INTS7: variants seen among roughly 807,000 people sequenced by gnomAD.
INTS7 encodes integrator complex subunit 7, also known as chromosome 1 open reading frame 73.
In INTS7, 46 loss-of-function variants were observed where a neutral mutation model predicts 109.2. The ratio of observed to expected loss-of-function variants is 0.42; its 90% CI spans 0.33 to 0.54. INTS7 has a LOEUF of 0.54. Ranked by LOEUF, INTS7 falls within the 20% of genes least tolerant of loss-of-function variation. The pLI, the probability that INTS7 is intolerant of heterozygous loss-of-function variation, is 0.07. For missense variants in INTS7, 929 were observed against 1,132.4 expected (o/e 0.82, Z 2.58); for synonymous variants, 412 against 402.9 (o/e 1.02, Z -0.27).
intron 3 of INTS7, among the ~76,000 whole-genome samples, chr1:212,019,065 C>T (rs1352425399): frequency 1.3e-5 from 2 of 152,110 alleles, no homozygotes; most frequent in Non-Finnish European, 2.9e-5. Flanking sequence ...GCCTGGCCAA[C>T]ATGGTGAAAT....
intron 1 of INTS7, among the ~76,000 whole-genome samples, chr1:212,033,111 C>T (rs189024428): frequency 1.3e-3 from 199 of 152,192 alleles, no homozygotes; most frequent in African/African-American, 4.6e-3. Flanking sequence ...GTACAAAGCC[C>T]GATCAAATAA....
At chr1:211,991,425 A>C (rs1461813655) in intron 7 of INTS7, among the ~76,000 whole-genome samples, 3 of 152,238 alleles carry the variant, frequency 2.0e-5, no homozygotes, top group African/African-American at 4.8e-5. Context: ...CATAAAAAAC[A>C]CCTCTAGAAA....
chr1:212,035,358 A>G lies in INTS7; in HGVS notation c.80T>C (p.Met27Thr), dbSNP rs1450890742. ...EQELDANSALMELDKGLRSGK... is the reference protein window; with the variant it reads ...EQELDANSALTELDKGLRSGK... Reference sequence around the variant, plus strand: ...CTTTCGAATACCTTTGTCCAATTCCATAAGGGCAGAGTTGGCATCCAGTTC... The same window carrying G: ...CTTTCGAATACCTTTGTCCAATTCCGTAAGGGCAGAGTTGGCATCCAGTTC... Residue 27 changes from methionine to threonine, a missense_variant, in exon 1 of 20, where the codon ATG becomes ACG. By Grantham distance (81) the Met-to-Thr change is moderately conservative. This residue lies in a region of INTS7 where 142 missense variants were observed against 231.4 expected (regional missense o/e 0.61). Coordinates refer to ENST00000366994, the MANE Select transcript of INTS7 (RefSeq NM_015434.4). 4 of 1,611,958 alleles carry G rather than the reference A, an allele frequency of 2.5e-6. No homozygotes were observed. Among genetic ancestry groups the G allele is most frequent in the Non-Finnish European group, 2.5e-6 (3 of 1,177,946 alleles).
At position 211,975,254 on chromosome 1, in the gene INTS7, G is replaced by C; in HGVS notation, c.1727C>G (p.Thr576Ser). Residue 576 changes from threonine to serine, a missense_variant, in exon 13 of 20, where the codon ACT becomes AGT. By Grantham distance (58) the Thr-to-Ser change is moderately conservative. Transcript: ENST00000366994. ...ACTATAATTTTCCTCTTGCAACCCAGTGAGACACTGTTCTGCATGTGAAAA... is the reference window on the plus strand; with the variant it reads ...ACTATAATTTTCCTCTTGCAACCCACTGAGACACTGTTCTGCATGTGAAAA... ...KEFSHAEQCLTGLQEENYSSA... is the reference protein window; with the variant it reads ...KEFSHAEQCLSGLQEENYSSA... The C allele has an allele frequency of 6.2e-7, 1 of 1,613,748 alleles. No homozygotes were observed. Among genetic ancestry groups the C allele is most frequent in the South Asian group, 1.1e-5 (1 of 91,072 alleles).
At position 211,968,410 on chromosome 1, in the gene INTS7, T is replaced by C. The variant is rs984584973; in HGVS notation, c.2010+103A>G. The C allele has an allele frequency of 1.9e-4, 172 of 929,184 alleles. 1 individual carries two copies. Among genetic ancestry groups the C allele is most frequent in the African/African-American group, 5.0e-5 (3 of 60,444 alleles). 57.6% of individuals were successfully genotyped at this position (929,184 alleles called of 1,614,324 possible). A position where few individuals can be genotyped will look rare whatever the true frequency, so the allele number is the denominator to read the frequency against. On this transcript the variant is annotated intron_variant, in intron 14 of 19. Transcript: ENST00000366994. The stretch of plus-strand genomic sequence containing the variant: ...TTGAGTGAATAAACATTTATGATAA[T>C]GTCTGAGTCAAACCACTGATTTTAT...
chr1:211,988,685 C>G (rs1179000556), intron 7 of INTS7, among the ~76,000 whole-genome samples: 1 of 152,058 alleles, frequency 6.6e-6, no homozygotes, highest in South Asian at 2.1e-4. Context: ...TGTGTACTAT[C>G]GTCTCGATTT....
chr1:211,993,679 C>CAAAAAAAA (rs1333287349), intron 7 of INTS7, among the ~76,000 whole-genome samples: 15 of 54,742 alleles, frequency 2.7e-4, no homozygotes, highest in Non-Finnish European at 3.2e-4. Context: ...GACTAAAACT[C>CAAAAAAAA]AAAAAAAAAA....
intron 1 of INTS7, among the ~76,000 whole-genome samples, chr1:212,033,895 C>T (rs1282812562): frequency 2.0e-5 from 3 of 152,036 alleles, no homozygotes; most frequent in African/African-American, 7.3e-5. Flanking sequence ...CCAGCCTGGC[C>T]AACATGGTGA....
intron 19 of INTS7, 98 bp downstream of exon 19, chr1:211,944,686 A>G: frequency 4.1e-6 from 4 of 971,288 alleles, no homozygotes; most frequent in Middle Eastern, 2.2e-4. Flanking sequence ...CTTTGGAGGT[A>G]TAACTGCAAT....
chr1:211,980,748 C>T (rs1664626498), intron 10 of INTS7, among the ~76,000 whole-genome samples: 1 of 152,122 alleles, frequency 6.6e-6, no homozygotes, highest in South Asian at 2.1e-4. Context: ...CCTCATTTCA[C>T]ATTTTAAAAA....
chr1:212,003,967 C>T (rs1292260787), intron 7 of INTS7, among the ~76,000 whole-genome samples: 1 of 152,142 alleles, frequency 6.6e-6, no homozygotes. Context: ...TAGATTTAAA[C>T]TCAAATGTGT....
intron 7 of INTS7, among the ~76,000 whole-genome samples, chr1:212,002,786 C>T (rs3009993): frequency 0.029 from 4,463 of 152,304 alleles, 76 homozygotes; most frequent in South Asian, 0.046. Flanking sequence ...TCTGACGTCT[C>T]TGCCTAGCGG....
rs139516601 is a variant in INTS7, at chr1:212,014,020, A to G, written c.510-2599T>C. 8.0e-4 allele frequency among the ~76,000 whole-genome samples: 122 copies of G among 152,366 alleles called. No homozygotes were observed. The South Asian group carries it at 0.011, about 14-fold the overall frequency. ...TGAGGGAAAAAAATGCTTATTTTCA[A>G]AGGCACAAATAGGAACTGTACTTAT... On this transcript the variant is annotated intron_variant, in intron 4 of 19. Coordinates refer to ENST00000366994, the MANE Select transcript of INTS7 (RefSeq NM_015434.4).
At chr1:212,029,824 A>G (rs1214684381) in intron 1 of INTS7, among the ~76,000 whole-genome samples, 1 of 152,240 alleles carries the variant, frequency 6.6e-6, no homozygotes, top group African/African-American at 2.4e-5. Flanking sequence ...GTGGGGGGAC[A>G]TGGGTAGAAA....
intron 3 of INTS7, among the ~76,000 whole-genome samples, chr1:212,018,647 G>T (rs912026634): frequency 4.6e-5 from 7 of 151,726 alleles, no homozygotes; most frequent in Admixed American, 6.6e-5. Context: ...ATTTTTTTCT[G>T]AGCCTATATA....
chr1:212,016,932 C>A lies in INTS7; in HGVS notation c.463G>T (p.Val155Phe), dbSNP rs776030477. The change falls in exon 4 of 20, where the codon GTT (valine) becomes TTT (phenylalanine). Residue 155 changes from valine to phenylalanine, a missense_variant. Physicochemically the swap from Val to Phe is conservative, Grantham distance 50. This residue lies in a region of INTS7 where 142 missense variants were observed against 231.4 expected (regional missense o/e 0.61). Coordinates refer to ENST00000366994, the MANE Select transcript of INTS7 (RefSeq NM_015434.4). ...QSLDSHDNVE[V>F]EAAVFAAANF... ...GCAGCAGCAAAAACAGCAGCTTCAA[C>A]TTCTACATTATCATGTGAATCTAAA... is the stretch of plus-strand genomic sequence containing the variant. 1.2e-6 allele frequency: 2 copies of A among 1,608,420 alleles called. No homozygotes were observed. Among genetic ancestry groups the A allele is most frequent in the African/African-American group, 2.7e-5 (2 of 74,424 alleles).
intron 1 of INTS7, among the ~76,000 whole-genome samples, chr1:212,028,541 A>T (rs189575263): frequency 2.9e-4 from 44 of 152,328 alleles, no homozygotes; most frequent in African/African-American, 8.2e-4. Flanking sequence ...ACATGAGTAG[A>T]ATGGAACCTT....
Position 211,941,839 on chromosome 1 carries a change from GGCATTGCGTT to G in INTS7, c.2864_2873del (p.Gln955ProfsTer34). ...CATTCCATGGTTAAAACCGTGTGTAGGCATTGCGTTGCTGCTGCTGCTGTAATGGCTGCTG... is the reference window on the plus strand; with the variant it reads ...CATTCCATGGTTAAAACCGTGTGTAGGCTGCTGCTGCTGTAATGGCTGCTG... On this transcript the variant is annotated frameshift_variant, in exon 20 of 20. Transcript: ENST00000366994. LOFTEE classifies it high-confidence loss of function. 1.2e-6 allele frequency: 2 copies of G among 1,614,068 alleles called. No homozygotes were observed. Among genetic ancestry groups the G allele is most frequent in the Non-Finnish European group, 1.7e-6 (2 of 1,179,972 alleles).
intron 13 of INTS7, among the ~76,000 whole-genome samples, chr1:211,972,953 G>A (rs1664247204): frequency 1.3e-5 from 2 of 152,124 alleles, no homozygotes; most frequent in African/African-American, 2.4e-5. Flanking sequence ...GCCATGCCTG[G>A]ACTACTACTG....
Sources: gnomAD v4.1 joint callset for allele counts (sites outside exome capture counted in the v4.1 genomes callset) on GRCh38, gnomAD v4.1.1 for gene constraint, gnomAD v4.1.1 regional missense constraint, MANE v1.5 for transcripts, NCBI Gene and HGNC (gene_info 2026-07-23, HGNC 2026-07-21) for gene names.